Variants in PCDH19 observed in about 807,000 individuals in gnomAD.
The protein encoded by PCDH19 is protocadherin 19, also known as protocadherin-19.
In PCDH19, 6 loss-of-function variants were observed where a neutral mutation model predicts 46.2. The observed-to-expected ratio is 0.13, with a 90% CI of 0.07 to 0.26. The LOEUF is 0.26. Among genes scored for constraint, PCDH19 ranks in the 10% least tolerant of loss-of-function variants. PCDH19 has a pLI of 1.00. For missense variants in PCDH19, 740 were observed against 972.3 expected (o/e 0.76, Z 3.18); for synonymous variants, 481 against 415.7 (o/e 1.16, Z -1.91).
intron 3 of PCDH19, among the ~76,000 whole-genome samples, chrX:100,385,573 T>C (rs1927689371): frequency 8.9e-6 from 1 of 112,232 alleles, no homozygotes. Flanking sequence ...CACTAAAAAA[T>C]TGCTTATAAA....
Position 100,292,226 on chromosome X carries a change from G to A in PCDH19, c.*4051C>T, listed in dbSNP as rs1444705802. The A allele has an allele frequency of 2.7e-5, 3 of 113,040 alleles. No homozygotes were observed. The highest frequency in any genetic ancestry group is 5.6e-4 in the East Asian group (2 of 3,593). The allele number at this position is 113,040 out of a possible 1,213,427, so 9.3% of individuals were successfully genotyped here. On this transcript the variant is annotated 3_prime_UTR_variant, in exon 6 of 6. Transcript: ENST00000373034. ...TCTACTTAACCAGTGCTGTAATGGT[G>A]TTAGCTGGTTTGTTTGCTAAGGTTG...
intron 5 of PCDH19, among the ~76,000 whole-genome samples, chrX:100,313,108 C>T (rs1007702664): frequency 1.8e-5 from 2 of 111,912 alleles, no homozygotes; most frequent in African/African-American, 6.5e-5. Context: ...GAAAACCAGG[C>T]TGGTAAATTT....
intron 5 of PCDH19, among the ~76,000 whole-genome samples, chrX:100,317,574 C>CA (rs2147463638): frequency 1.1e-5 from 1 of 88,016 alleles, no homozygotes; most frequent in Admixed American, 1.4e-4. Context: ...CCTCAGAAAA[C>CA]AATTCATTGT....
At chrX:100,389,378 C>T (rs1282565629) in intron 3 of PCDH19, among the ~76,000 whole-genome samples, 3 of 94,624 alleles carry the variant, frequency 3.2e-5, no homozygotes, top group African/African-American at 1.3e-4. Context: ...ACGGTGGTTG[C>T]CAGGGGTTGT....
chrX:100,379,574 C>T (rs886514877), intron 3 of PCDH19, among the ~76,000 whole-genome samples: 3 of 111,699 alleles, frequency 2.7e-5, no homozygotes, highest in Admixed American at 1.9e-4. Flanking sequence ...TGCGTCTATA[C>T]GCCCTCTGCT....
intron 5 of PCDH19, among the ~76,000 whole-genome samples, chrX:100,318,712 G>A (rs780544082): frequency 4.1e-4 from 46 of 111,866 alleles, no homozygotes; most frequent in East Asian, 5.7e-4. Context: ...AGTAGGAAAC[G>A]AGGAAAGACT....
At chrX:100,388,762 A>C (rs1927784810) in intron 3 of PCDH19, among the ~76,000 whole-genome samples, 1 of 111,004 alleles carries the variant, frequency 9.0e-6, no homozygotes, top group Non-Finnish European at 1.9e-5. Context: ...TTATTTGATA[A>C]GTACAAAATG....
chrX:100,373,598 C>T (rs1207280733), intron 3 of PCDH19, among the ~76,000 whole-genome samples: 1 of 111,915 alleles, frequency 8.9e-6, no homozygotes, highest in East Asian at 2.8e-4. Context: ...TTCCTTTCTT[C>T]GAAAAAAGAG....
chrX:100,342,944 A>C (rs1017667469), intron 4 of PCDH19, among the ~76,000 whole-genome samples: 14 of 112,401 alleles, frequency 1.2e-4, no homozygotes, highest in African/African-American at 4.5e-4. Flanking sequence ...GGGTGTGTCT[A>C]TGAAGGTGTT....
Position 100,391,815 on chromosome X carries a change from T to C in PCDH19, c.2616+10709A>G, listed in dbSNP as rs894444501. 2.7e-5 allele frequency among the ~76,000 whole-genome samples: 3 copies of C among 112,166 alleles called. No individual in the cohort carries two copies. The Admixed American group carries it at 2.8e-4, about 11-fold the overall frequency. ...TTTTATGAGGTTTTTAATTGTTTCA[T>C]CTGTTTTGGTAGTGATCTCCCCTAC... On this transcript the variant is annotated intron_variant, in intron 3 of 5. Transcript: ENST00000373034.
At chrX:100,403,444 T>C in intron 2 of PCDH19, 80 bp downstream of exon 2, 1 of 1,035,326 alleles carries the variant, frequency 9.7e-7, no homozygotes, top group East Asian at 3.1e-5. Flanking sequence ...CGGTTCCCTT[T>C]TACTCACCCC....
At chrX:100,316,031 A>G (rs1925293064) in intron 5 of PCDH19, among the ~76,000 whole-genome samples, 1 of 111,898 alleles carries the variant, frequency 8.9e-6, no homozygotes, top group African/African-American at 3.3e-5. Context: ...AGTAAACAAA[A>G]TAATGCATGT....
In PCDH19 at chrX:100,296,424, A is replaced by G. The variant is rs758236334; in HGVS notation, c.3300T>C (p.Asn1100=). The G allele has an allele frequency of 2.5e-6, 3 of 1,209,248 alleles. No individual in the cohort carries two copies. The African/African-American group carries it at 5.3e-5, about 21-fold the overall frequency. Residue 1100 remains asparagine, a synonymous_variant, in exon 6 of 6, where the codon AAT becomes AAC. Transcript: ENST00000373034. The part of the protein sequence containing the change: ...PARDLEQYVN[N]VNNGPTRPSE... ...AGGGACGAGTAGGGCCATTGTTGAC[A>G]TTGTTGACATACTGCTCCAGATCAC... is the stretch of plus-strand genomic sequence containing the variant.
chrX:100,303,737 CT>C (rs1193375756), intron 5 of PCDH19, among the ~76,000 whole-genome samples: 6 of 111,536 alleles, frequency 5.4e-5, no homozygotes, highest in Non-Finnish European at 9.4e-5. Context: ...CCCTTCTTCC[CT>C]TTTTTTCAGC....
At chrX:100,393,683 A>G (rs1378012217) in intron 3 of PCDH19, among the ~76,000 whole-genome samples, 1 of 111,534 alleles carries the variant, frequency 9.0e-6, no homozygotes, top group Non-Finnish European at 1.9e-5. Context: ...GGGAGCGAAA[A>G]TAATCCAGAA....
At chrX:100,351,516 C>T in intron 3 of PCDH19, among the ~76,000 whole-genome samples, 1 of 112,331 alleles carries the variant, frequency 8.9e-6, no homozygotes, top group South Asian at 3.7e-4. Context: ...GGGTGAAATC[C>T]AGAGAAAAGT....
At chrX:100,392,343 C>T (rs1927887627) in intron 3 of PCDH19, among the ~76,000 whole-genome samples, 1 of 112,254 alleles carries the variant, frequency 8.9e-6, no homozygotes, top group Admixed American at 9.4e-5. Flanking sequence ...TGTAAGCACA[C>T]ACATGCCATT....
chrX:100,378,407 G>A (rs909142399), intron 3 of PCDH19, among the ~76,000 whole-genome samples: 16 of 112,278 alleles, frequency 1.4e-4, no homozygotes, highest in Non-Finnish European at 1.3e-4. Flanking sequence ...TAACCTGTTC[G>A]TCAATACGGT....
chrX:100,356,619 G>A (rs1304466714), intron 3 of PCDH19, among the ~76,000 whole-genome samples: 2 of 111,613 alleles, frequency 1.8e-5, no homozygotes, highest in Non-Finnish European at 3.8e-5. Flanking sequence ...AATTAGTGAA[G>A]GTGGAATAAA....
Sources: allele counts gnomAD v4.1 joint callset (sites outside exome capture counted in the v4.1 genomes callset), GRCh38; gene constraint gnomAD v4.1.1; transcripts MANE v1.5; gene names NCBI Gene and HGNC (gene_info 2026-07-23, HGNC 2026-07-21).